The following PIK3C2G variants were observed in gnomAD, a reference collection of about 807,000 sequenced individuals.
The protein encoded by PIK3C2G is phosphatidylinositol 3-kinase C2 domain-containing subunit gamma.
Under a neutral mutation model 181.1 loss-of-function variants are expected in PIK3C2G, and 168 were observed. That is an observed-to-expected ratio of 0.93 (90% CI 0.82 to 1.05). The LOEUF is 1.05. Ranked by LOEUF, PIK3C2G falls within the 50% of genes least tolerant of loss-of-function variation. The pLI is 0.00. For synonymous variants in PIK3C2G, 573 were observed against 592.2 expected (o/e 0.97, Z 0.47); for missense variants, 1,869 against 1,732.8 (o/e 1.08, Z -1.40).
At chr12:18,343,397 GA>G (rs111569198) in intron 10 of PIK3C2G, 37 bp downstream of exon 10, 2 of 1,118,934 alleles carry the variant, frequency 1.8e-6, no homozygotes, top group Non-Finnish European at 2.5e-6. Context: ...TTGAAATAAA[GA>G]AAAAAATAAG....
At chr12:18,392,074 G>A (rs1943571973) in intron 15 of PIK3C2G, among the ~76,000 whole-genome samples, 1 of 152,130 alleles carries the variant, frequency 6.6e-6, no homozygotes, top group East Asian at 1.9e-4. Context: ...GTGCAGCAAG[G>A]AGGTGAATGT....
At chr12:18,488,095 C>T (rs922832268) in intron 18 of PIK3C2G, among the ~76,000 whole-genome samples, 4 of 152,028 alleles carry the variant, frequency 2.6e-5, no homozygotes, top group African/African-American at 9.7e-5. Context: ...AGTACAGTCA[C>T]TTATAAAAAC....
chr12:18,476,323 T>C (rs1938988019), intron 18 of PIK3C2G, among the ~76,000 whole-genome samples: 1 of 151,288 alleles, frequency 6.6e-6, no homozygotes, highest in Non-Finnish European at 1.5e-5. Flanking sequence ...TTACCAAGGG[T>C]AGTACTTTAT....
chr12:18,696,165 T>C, the PIK3C2G span: 17 of 1,547,672 alleles, frequency 1.1e-5, no homozygotes, highest in Non-Finnish European at 1.4e-5. Flanking sequence ...TGACAACCTA[T>C]ATTCCAAAAT....
chr12:18,358,692 T>C (rs969591470), intron 11 of PIK3C2G: 8 of 484,788 alleles, frequency 1.7e-5, no homozygotes, highest in Non-Finnish European at 3.3e-5. Flanking sequence ...CCTCATCTCT[T>C]CCAGGAACCA....
intron 14 of PIK3C2G, among the ~76,000 whole-genome samples, chr12:18,388,682 G>A (rs1324593073): frequency 2.6e-5 from 4 of 152,236 alleles, no homozygotes; most frequent in African/African-American, 7.2e-5. Flanking sequence ...TTATGGGTAT[G>A]GTTGTGGGGC....
upstream of PIK3C2G, among the ~76,000 whole-genome samples, chr12:18,244,807 C>T (rs1748507037): frequency 6.6e-6 from 1 of 151,922 alleles, no homozygotes. Context: ...CAATGTATGG[C>T]AATATGGAGT....
At chr12:18,642,656 G>A (rs1291370902) in intron 32 of PIK3C2G, among the ~76,000 whole-genome samples, 5 of 151,954 alleles carry the variant, frequency 3.3e-5, no homozygotes, top group Admixed American at 1.3e-4. Flanking sequence ...AGTCCTACAC[G>A]GTTTTTCTTC....
chr12:18,712,445 G>T, the PIK3C2G span, among the ~76,000 whole-genome samples: 3 of 152,130 alleles, frequency 2.0e-5, no homozygotes, highest in East Asian at 5.8e-4. Flanking sequence ...TAAAATGTCA[G>T]CAATTGAAAT....
At chr12:18,470,450 C>A (rs932948482) in intron 18 of PIK3C2G, among the ~76,000 whole-genome samples, 1 of 152,064 alleles carries the variant, frequency 6.6e-6, no homozygotes, top group Non-Finnish European at 1.5e-5. Flanking sequence ...CAGCCCCATG[C>A]GGTTAGGGCT....
the PIK3C2G span, chr12:18,712,725 T>G: frequency 7.7e-7 from 1 of 1,291,740 alleles, no homozygotes; most frequent in Admixed American, 1.8e-5. Context: ...TAATGGATCA[T>G]AACCCACAAT....
chr12:18,556,776 T>C (rs1945036457), intron 26 of PIK3C2G, among the ~76,000 whole-genome samples: 1 of 152,154 alleles, frequency 6.6e-6, no homozygotes, highest in Non-Finnish European at 1.5e-5. Flanking sequence ...TGTAAATTCA[T>C]AAGTGCAAAC....
intron 11 of PIK3C2G, among the ~76,000 whole-genome samples, chr12:18,362,284 A>AG (rs1287701011): frequency 6.6e-6 from 1 of 152,188 alleles, no homozygotes; most frequent in Non-Finnish European, 1.5e-5. Context: ...GAAAGACAAA[A>AG]GCTAGTTCCT....
chr12:18,372,809 C>A (rs1942162394), intron 13 of PIK3C2G: 2 of 152,136 alleles, frequency 1.3e-5, no homozygotes, highest in Admixed American at 6.6e-5. Context: ...AAAAATACCA[C>A]CTCCATGTTG....
intron 24 of PIK3C2G, among the ~76,000 whole-genome samples, chr12:18,509,447 T>C (rs1220557689): frequency 6.6e-6 from 1 of 152,256 alleles, no homozygotes; most frequent in Non-Finnish European, 1.5e-5. Context: ...CATTTCTCAC[T>C]GGGCTGCTGC....
At chr12:18,527,701 G>A (rs1427115662) in intron 24 of PIK3C2G, among the ~76,000 whole-genome samples, 1 of 151,676 alleles carries the variant, frequency 6.6e-6, no homozygotes, top group Non-Finnish European at 1.5e-5. Context: ...GTGGGCAGTT[G>A]AAGGATCTAA....
At chr12:18,597,704 A>C (rs1015245972) in intron 30 of PIK3C2G, among the ~76,000 whole-genome samples, 5 of 151,972 alleles carry the variant, frequency 3.3e-5, no homozygotes, top group African/African-American at 1.2e-4. Context: ...GAGGAAGTCA[A>C]ATTGTCCCTG....
chr12:18,551,332 C>A (rs1377791923), intron 26 of PIK3C2G, among the ~76,000 whole-genome samples: 2 of 152,084 alleles, frequency 1.3e-5, no homozygotes, highest in Non-Finnish European at 2.9e-5. Flanking sequence ...AGGGTTATTT[C>A]AGAAATTTCA....
chr12:18,259,364 CTT>C (rs972423665), upstream of PIK3C2G, among the ~76,000 whole-genome samples: 6 of 152,082 alleles, frequency 3.9e-5, no homozygotes, highest in Non-Finnish European at 8.8e-5. Flanking sequence ...GGTCACAACT[CTT>C]TATATTAAAC....
Sources: allele counts gnomAD v4.1 joint callset (sites outside exome capture counted in the v4.1 genomes callset), GRCh38; gene constraint gnomAD v4.1.1; transcripts MANE v1.5; gene names NCBI Gene and HGNC (gene_info 2026-07-23, HGNC 2026-07-21).